The following GRID2 variants were observed in gnomAD, a reference collection of about 807,000 sequenced individuals.
GRID2 encodes the protein glutamate receptor ionotropic, delta-2.
GRID2 carries 33 observed loss-of-function variants against 114.8 expected under a neutral mutation model. The ratio of observed to expected loss-of-function variants is 0.29; its 90% CI spans 0.22 to 0.38. GRID2 has a LOEUF of 0.38. Ranked by LOEUF, GRID2 falls within the 10% of genes least tolerant of loss-of-function variation. GRID2 has a pLI of 1.00. For synonymous variants in GRID2, 505 were observed against 449.9 expected (o/e 1.12, Z -1.55); for missense variants, 1,184 against 1,257.7 (o/e 0.94, Z 0.89).
At chr4:93,292,195 T>A (rs1753825950) in intron 8 of GRID2, among the ~76,000 whole-genome samples, 1 of 152,140 alleles carries the variant, frequency 6.6e-6, no homozygotes, top group African/African-American at 2.4e-5. Flanking sequence ...GTAGTAAAAA[T>A]TTGTAGAGGA....
intron 2 of GRID2, among the ~76,000 whole-genome samples, chr4:92,970,733 T>G (rs1560756922): frequency 6.6e-6 from 1 of 151,984 alleles, no homozygotes; most frequent in Admixed American, 6.6e-5. Flanking sequence ...CTGATAGAAT[T>G]ATTTCCAAAT....
chr4:92,562,074 T>C (rs1003295771), intron 1 of GRID2, among the ~76,000 whole-genome samples: 1 of 152,194 alleles, frequency 6.6e-6, no homozygotes, highest in Non-Finnish European at 1.5e-5. Flanking sequence ...AAAGTTTGGA[T>C]TGTGGTTTTG....
At chr4:92,606,819 A>T (rs1220082346) in intron 2 of GRID2, among the ~76,000 whole-genome samples, 1 of 152,040 alleles carries the variant, frequency 6.6e-6, no homozygotes, top group Non-Finnish European at 1.5e-5. Flanking sequence ...GTCTAATCTA[A>T]TCAGAAAGTG....
intron 14 of GRID2, among the ~76,000 whole-genome samples, chr4:93,699,230 A>G (rs542308460): frequency 6.6e-6 from 1 of 152,260 alleles, no homozygotes; most frequent in Non-Finnish European, 1.5e-5. Context: ...AAGCTAAAGC[A>G]TTTGGAATGA....
At chr4:93,397,565 G>T (rs1347520420) in intron 9 of GRID2, among the ~76,000 whole-genome samples, 1 of 151,854 alleles carries the variant, frequency 6.6e-6, no homozygotes, top group Non-Finnish European at 1.5e-5. Flanking sequence ...ACTCAGTAAT[G>T]GATATAAGAG....
chr4:93,742,394 T>C (rs1731498353), intron 14 of GRID2, among the ~76,000 whole-genome samples: 2 of 152,184 alleles, frequency 1.3e-5, no homozygotes, highest in Admixed American at 1.3e-4. Context: ...AAACGATGTG[T>C]GTAAAGTACC....
intron 4 of GRID2, among the ~76,000 whole-genome samples, chr4:93,206,433 A>G (rs1742788448): frequency 6.6e-6 from 1 of 152,088 alleles, no homozygotes; most frequent in Non-Finnish European, 1.5e-5. Flanking sequence ...TTGAAACCCA[A>G]TCGCTGAGTA....
chr4:92,485,282 ATAAT>A (rs1319826900), intron 1 of GRID2, among the ~76,000 whole-genome samples: 3 of 138,734 alleles, frequency 2.2e-5, no homozygotes, highest in African/African-American at 8.0e-5. Context: ...GTCCTTATAT[ATAAT>A]AAATAAGGTG....
chr4:93,768,775 T>A (rs893907782), intron 14 of GRID2, among the ~76,000 whole-genome samples: 3 of 152,154 alleles, frequency 2.0e-5, no homozygotes, highest in Admixed American at 6.6e-5. Context: ...AAAACGTTCT[T>A]CATAAAAGCA....
At chr4:93,376,552 CAT>C (rs1272620602) in intron 8 of GRID2, among the ~76,000 whole-genome samples, 1 of 152,072 alleles carries the variant, frequency 6.6e-6, no homozygotes, top group African/African-American at 2.4e-5. Context: ...ACTCATAAAA[CAT>C]AGGTCCTAAT....
At chr4:93,284,815 G>A (rs111978739) in intron 8 of GRID2, among the ~76,000 whole-genome samples, 8,311 of 151,768 alleles carry the variant, frequency 0.055, 496 homozygotes, top group African/African-American at 0.15. Flanking sequence ...ATTATATTTC[G>A]GTACATATTT....
chr4:92,695,389 A>T (rs1240078587), intron 2 of GRID2, among the ~76,000 whole-genome samples: 1 of 152,118 alleles, frequency 6.6e-6, no homozygotes, highest in South Asian at 2.1e-4. Flanking sequence ...GAAACACAAC[A>T]AAAGGAATAC....
At chr4:92,921,309 G>T (rs985947521) in intron 2 of GRID2, among the ~76,000 whole-genome samples, 7 of 151,900 alleles carry the variant, frequency 4.6e-5, no homozygotes, top group African/African-American at 1.2e-4. Context: ...CTCCTTTAGT[G>T]CAGAGTAGTT....
chr4:93,258,818 T>C, intron 8 of GRID2: 1 of 435,548 alleles, frequency 2.3e-6, no homozygotes, highest in Non-Finnish European at 4.6e-6. Flanking sequence ...ATCTATTCTT[T>C]CTATAAACAA....
intron 1 of GRID2, among the ~76,000 whole-genome samples, chr4:92,357,929 A>G (rs560072717): frequency 3.3e-5 from 5 of 151,992 alleles, no homozygotes; most frequent in Non-Finnish European, 5.9e-5. Flanking sequence ...GACAAGTTTC[A>G]TTACACAGTT....
chr4:92,842,030 A>G (rs1016176881), intron 2 of GRID2, among the ~76,000 whole-genome samples: 5 of 152,084 alleles, frequency 3.3e-5, no homozygotes, highest in Non-Finnish European at 5.9e-5. Flanking sequence ...AGTGTTTGCA[A>G]CTTTACAAAA....
At chr4:92,734,712 C>T (rs1432933936) in intron 2 of GRID2, among the ~76,000 whole-genome samples, 1 of 151,262 alleles carries the variant, frequency 6.6e-6, no homozygotes, top group East Asian at 1.9e-4. Context: ...TCATCTTTTA[C>T]AATATATGTA....
At chr4:93,266,115 T>C (rs1268303465) in intron 8 of GRID2, among the ~76,000 whole-genome samples, 1 of 152,056 alleles carries the variant, frequency 6.6e-6, no homozygotes, top group Admixed American at 6.6e-5. Context: ...TCATGTAATG[T>C]GCACATCTTT....
At chr4:92,781,112 G>A in intron 2 of GRID2, among the ~76,000 whole-genome samples, 1 of 151,974 alleles carries the variant, frequency 6.6e-6, no homozygotes, top group Admixed American at 6.6e-5. Context: ...GGGCATGGTG[G>A]CACGTGCCTT....
Sources: allele counts gnomAD v4.1 joint callset (sites outside exome capture counted in the v4.1 genomes callset), GRCh38; gene constraint gnomAD v4.1.1; transcripts MANE v1.5; gene names NCBI Gene and HGNC (gene_info 2026-07-23, HGNC 2026-07-21).